MBTD1: variants seen among roughly 807,000 people sequenced by gnomAD.
MBTD1 encodes MBT domain-containing protein 1.
A neutral mutation model predicts 87.8 loss-of-function variants in MBTD1; 24 were observed. The ratio of observed to expected loss-of-function variants is 0.27; its 90% CI spans 0.20 to 0.38. The LOEUF (loss-of-function observed/expected upper bound fraction) is 0.38. Among genes scored for constraint, MBTD1 ranks in the 10% least tolerant of loss-of-function variants. The pLI is 1.00. For missense variants in MBTD1, 436 were observed against 760.2 expected (o/e 0.57, Z 5.02); for synonymous variants, 237 against 248.6 (o/e 0.95, Z 0.44).
At chr17:51,253,450 G>A (rs963303167) in intron 2 of MBTD1, among the ~76,000 whole-genome samples, 1 of 152,008 alleles carries the variant, frequency 6.6e-6, no homozygotes, top group African/African-American at 2.4e-5. Flanking sequence ...TGAGCAACAG[G>A]TAAAATACTG....
chr17:51,191,583 ATTT>A (rs11300283), intron 16 of MBTD1: 7 of 139,480 alleles, frequency 5.0e-5, no homozygotes, highest in Admixed American at 7.2e-5. Flanking sequence ...GCATCTGCTA[ATTT>A]TTTTTTTTTT....
chr17:51,227,242 CAAA>C (rs71149355), intron 2 of MBTD1, among the ~76,000 whole-genome samples: 1 of 115,604 alleles, frequency 8.7e-6, no homozygotes, highest in African/African-American at 3.4e-5. Flanking sequence ...ACTCTGTCTC[CAAA>C]AAAAAAAAAA....
intron 2 of MBTD1, among the ~76,000 whole-genome samples, chr17:51,237,373 G>A (rs1041972199): frequency 6.6e-6 from 1 of 150,922 alleles, no homozygotes; most frequent in Non-Finnish European, 1.5e-5. Flanking sequence ...TCTGCTCTTT[G>A]AAAGACAATG....
intron 3 of MBTD1, among the ~76,000 whole-genome samples, chr17:51,223,107 C>T (rs1322952401): frequency 1.3e-5 from 2 of 152,124 alleles, no homozygotes; most frequent in Non-Finnish European, 2.9e-5. Flanking sequence ...CCTGGCCACG[C>T]TATTCATCTT....
chr17:51,218,577 CCTTAATCTCCTCTTACTACT>C (rs2052712069), intron 5 of MBTD1, among the ~76,000 whole-genome samples: 1 of 151,322 alleles, frequency 6.6e-6, no homozygotes, highest in African/African-American at 2.4e-5. Context: ...ATGGTCCTTT[CCTTAATCTCCTCTTACTACT>C]CTTCTTCCCT....
chr17:51,237,575 G>A (rs1427326475), intron 2 of MBTD1, among the ~76,000 whole-genome samples: 1 of 152,138 alleles, frequency 6.6e-6, no homozygotes, highest in African/African-American at 2.4e-5. Flanking sequence ...ATGAAAAGAT[G>A]CTCAACATCA....
chr17:51,189,097 G>T (rs147473925), intron 16 of MBTD1, among the ~76,000 whole-genome samples: 15 of 152,210 alleles, frequency 9.9e-5, no homozygotes, highest in Non-Finnish European at 2.1e-4. Context: ...CAACAAAGCC[G>T]TACCTCACTT....
chr17:51,222,598 A>G (rs1424588356), intron 3 of MBTD1, among the ~76,000 whole-genome samples: 2 of 150,994 alleles, frequency 1.3e-5, no homozygotes, highest in African/African-American at 4.9e-5. Flanking sequence ...GGGTTTCACC[A>G]TGTTGCCCAG....
chr17:51,230,404 TG>T (rs1297547681), intron 2 of MBTD1, among the ~76,000 whole-genome samples: 1 of 152,068 alleles, frequency 6.6e-6, no homozygotes, highest in African/African-American at 2.4e-5. Flanking sequence ...CAAGTATTTG[TG>T]GGTCTCATAG....
rs2050737444 is a variant in MBTD1, at chr17:51,190,395, C to T, written c.1768+1808G>A. ...TGGGATTAATTACAGGCATGAGCCA[C>T]CGCGTCCAGTCCAATTTAAAAAATA... On this transcript the variant is annotated intron_variant, in intron 16 of 16. Coordinates refer to ENST00000586178, the MANE Select transcript of MBTD1 (RefSeq NM_017643.3). 2.0e-5 allele frequency among the ~76,000 whole-genome samples: 3 copies of T among 151,936 alleles called. No individual in the cohort carries two copies. In the South Asian group the frequency reaches 6.2e-4, roughly 32 times the overall value.
chr17:51,202,081 C>G lies in MBTD1; in HGVS notation c.1064-4G>C. The G allele has an allele frequency of 6.3e-7, 1 of 1,593,062 alleles. No individual in the cohort carries two copies. The highest frequency in any genetic ancestry group is 8.6e-7 in the Non-Finnish European group (1 of 1,162,964). ...CCATCCTGTTTCTTTGTAATATCTA[C>G]AAGGAAAAGTTACACACTAATCTGT... On this transcript the variant is annotated splice_region_variant and splice_polypyrimidine_tract_variant and intron_variant, in intron 10 of 16. Transcript: ENST00000586178.
At chr17:51,201,509 C>G (rs182561660) in intron 12 of MBTD1, 83 bp downstream of exon 12, 4 of 789,572 alleles carry the variant, frequency 5.1e-6, no homozygotes, top group Non-Finnish European at 8.3e-6. Context: ...TATGTCAAAA[C>G]GAATATGCTT....
chr17:51,179,524 A>ATATATTT lies in MBTD1; in HGVS notation c.*1051_*1052insAAATATA, dbSNP rs1568136528. ...TATATATATATATATATATATATAT[A>ATATATTT]TATATATATATATGGAATTTTAAGA... On this transcript the variant is annotated 3_prime_UTR_variant, in exon 17 of 17. Coordinates refer to ENST00000586178, the MANE Select transcript of MBTD1 (RefSeq NM_017643.3). 9.3e-6 allele frequency: 1 copy of ATATATTT among 107,996 alleles called. No individual in the cohort carries two copies. Among genetic ancestry groups the ATATATTT allele is most frequent in the African/African-American group, 3.2e-5 (1 of 31,230 alleles). The allele number at this position is 107,996 out of a possible 1,614,324, so 6.7% of individuals were successfully genotyped here. A position where few individuals can be genotyped will look rare whatever the true frequency, so the allele number is the denominator to read the frequency against.
intron 2 of MBTD1, among the ~76,000 whole-genome samples, chr17:51,239,072 C>T (rs1299979359): frequency 1.3e-5 from 2 of 149,576 alleles, no homozygotes; most frequent in East Asian, 2.0e-4. Context: ...TGCACTCCAG[C>T]TTGGGCGACC....
chr17:51,197,069 T>TGGAGG, intron 12 of MBTD1, among the ~76,000 whole-genome samples: 1 of 2,694 alleles, frequency 3.7e-4, no homozygotes, highest in Admixed American at 4.1e-3. Context: ...TATATATATA[T>TGGAGG]ATATATATAT....
At chr17:51,247,960 TCTC>T (rs1453793495) in intron 2 of MBTD1, among the ~76,000 whole-genome samples, 1 of 152,194 alleles carries the variant, frequency 6.6e-6, no homozygotes, top group Non-Finnish European at 1.5e-5. Context: ...TAAACTGTAT[TCTC>T]CTAAGAAATT....
In MBTD1 at chr17:51,259,885, C is replaced by T. The variant is rs1024842369; in HGVS notation, c.-163G>A. On this transcript the variant is annotated 5_prime_UTR_variant, in exon 1 of 17. Transcript: ENST00000586178. Reference sequence around the variant, plus strand: ...GCCTCATGGGTAGGGGTTGTCCGTGCTCCCCGAGCCCGCGGCGCCCCCTCC... The same window carrying T: ...GCCTCATGGGTAGGGGTTGTCCGTGTTCCCCGAGCCCGCGGCGCCCCCTCC... 11 of 1,231,764 alleles carry T rather than the reference C, an allele frequency of 8.9e-6. No individual in the cohort carries two copies. Among genetic ancestry groups the T allele is most frequent in the East Asian group, 6.3e-5 (2 of 31,650 alleles). 76.3% of individuals were successfully genotyped at this position (1,231,764 alleles called of 1,614,324 possible). A position where few individuals can be genotyped will look rare whatever the true frequency, so the allele number is the denominator to read the frequency against.
chr17:51,190,766 T>TATAC (rs2050767540), intron 16 of MBTD1, among the ~76,000 whole-genome samples: 2 of 122,400 alleles, frequency 1.6e-5, no homozygotes, highest in Admixed American at 1.8e-4. Context: ...TATATATATA[T>TATAC]ATATAACCTT....
chr17:51,201,287 T>G (rs2051476699), intron 12 of MBTD1, among the ~76,000 whole-genome samples: 1 of 152,186 alleles, frequency 6.6e-6, no homozygotes. Flanking sequence ...GAAGATAAAC[T>G]TGGCCTTGTT....
Sources: gnomAD v4.1 joint callset for allele counts (sites outside exome capture counted in the v4.1 genomes callset) on GRCh38, gnomAD v4.1.1 for gene constraint, MANE v1.5 for transcripts, NCBI Gene and HGNC (gene_info 2026-07-23, HGNC 2026-07-21) for gene names.